The following MTUS2 variants were observed in gnomAD, a reference collection of about 807,000 sequenced individuals.
MTUS2 encodes the protein microtubule associated scaffold protein 2, also known as microtubule-associated tumor suppressor candidate 2.
In MTUS2, 40 loss-of-function variants were observed where a neutral mutation model predicts 114.1. The ratio of observed to expected loss-of-function variants is 0.35; its 90% CI spans 0.27 to 0.46. MTUS2 has a LOEUF of 0.46. Ranked by LOEUF, MTUS2 falls within the 20% of genes least tolerant of loss-of-function variation. The probability of loss-of-function intolerance (pLI) is 1.00; values close to 1 mark genes in which losing one functional copy is unlikely to be tolerated. For missense variants in MTUS2, 1,679 were observed against 1,705.4 expected, an observed-to-expected ratio of 0.98 and a Z score of 0.27; for synonymous variants, 688 against 672.0, an observed-to-expected ratio of 1.02 and a Z score of -0.37.
chr13:28,954,720 A>G (rs1882976342), intron 2 of MTUS2, among the ~76,000 whole-genome samples: 1 of 152,114 alleles, frequency 6.6e-6, no homozygotes. Flanking sequence ...CATGTGCAAT[A>G]GTTTGGTGAA....
intron 8 of MTUS2, among the ~76,000 whole-genome samples, chr13:29,381,156 ATCTGGGCTTCT>A: frequency 6.6e-6 from 1 of 152,204 alleles, no homozygotes; most frequent in African/African-American, 2.4e-5. Flanking sequence ...AGGGGCATGT[ATCTGGGCTTCT>A]GCCCAGATAC....
At chr13:29,195,782 G>C (rs565359006) in intron 5 of MTUS2, among the ~76,000 whole-genome samples, 7 of 152,236 alleles carry the variant, frequency 4.6e-5, no homozygotes, top group Admixed American at 1.3e-4. Context: ...CAGTAACACA[G>C]AAGCAAAAAC....
At position 29,116,848 on chromosome 13, in the gene MTUS2, C is replaced by T. The variant is rs188494033; in HGVS notation, c.2644+15878C>T. Among the ~76,000 whole-genome samples the T allele has an allele frequency of 1.2e-4, 18 of 152,286 alleles. No individual in the cohort carries two copies. The South Asian group carries it at 2.3e-3, about 19-fold the overall frequency. ...TGAAGCATGAGATTTCATCTTGCTACTCAGAATGTTATGCAATTTAAAACT... is the reference window on the plus strand; with the variant it reads ...TGAAGCATGAGATTTCATCTTGCTATTCAGAATGTTATGCAATTTAAAACT... On this transcript the variant is annotated intron_variant, in intron 5 of 15. Transcript: ENST00000612955.
intron 2 of MTUS2, among the ~76,000 whole-genome samples, chr13:28,919,153 T>C (rs1411284375): frequency 6.6e-6 from 1 of 152,150 alleles, no homozygotes; most frequent in Non-Finnish European, 1.5e-5. Context: ...CTGTGTGCTA[T>C]TACCAGTGAA....
At chr13:29,206,883 C>T (rs1003535661) in intron 5 of MTUS2, among the ~76,000 whole-genome samples, 1 of 152,036 alleles carries the variant, frequency 6.6e-6, no homozygotes. Flanking sequence ...CTTGCTTTGG[C>T]TATATGGACT....
chr13:29,168,896 G>GTGTGTGTGTGTGTC (rs1446043842), intron 5 of MTUS2, among the ~76,000 whole-genome samples: 2 of 151,354 alleles, frequency 1.3e-5, no homozygotes, highest in Non-Finnish European at 3.0e-5. Context: ...ATCTGTGTGT[G>GTGTGTGTGTGTGTC]TGTGTGTGTG....
At chr13:29,432,149 G>A (rs759040204) in intron 8 of MTUS2, among the ~76,000 whole-genome samples, 2 of 151,486 alleles carry the variant, frequency 1.3e-5, no homozygotes, top group Non-Finnish European at 2.9e-5. Flanking sequence ...CACCATGCCT[G>A]GCCAAAGACC....
At chr13:29,433,650 G>T (rs1281697413) in intron 8 of MTUS2, among the ~76,000 whole-genome samples, 3 of 152,166 alleles carry the variant, frequency 2.0e-5, no homozygotes, top group African/African-American at 7.2e-5. Flanking sequence ...GCCACAAAAG[G>T]TGGTATGAAA....
chr13:29,332,237 A>G (rs1008542767), intron 7 of MTUS2, among the ~76,000 whole-genome samples: 2 of 151,990 alleles, frequency 1.3e-5, no homozygotes, highest in African/African-American at 4.8e-5. Context: ...CAATTTCAGA[A>G]CTTGTTATTG....
At chr13:29,307,898 A>T (rs1429728274) in intron 6 of MTUS2, 3 of 545,310 alleles carry the variant, frequency 5.5e-6, no homozygotes, top group Non-Finnish European at 1.0e-5. Flanking sequence ...CAGAGTTTCC[A>T]TGCAGATCTC....
intron 2 of MTUS2, among the ~76,000 whole-genome samples, chr13:28,903,808 C>G (rs1046027398): frequency 2.0e-5 from 3 of 151,950 alleles, no homozygotes; most frequent in African/African-American, 7.3e-5. Context: ...AATGGTATTT[C>G]TAGTTCTAGA....
At position 28,838,501 on chromosome 13, in the gene MTUS2, G is replaced by T. The variant is rs372806455; in HGVS notation, c.-315-1277G>T. Among the ~76,000 whole-genome samples, 152 of 152,314 alleles carry T rather than the reference G, an allele frequency of 1.0e-3. 1 individual carries two copies. Among genetic ancestry groups the T allele is most frequent in the African/African-American group, 3.5e-3 (147 of 41,562 alleles). ...GCCCCATGGACTTGGGCTTGGACCTGTGTGGGATGCTGCTCCCTGGCCATG... is the reference window on the plus strand; with the variant it reads ...GCCCCATGGACTTGGGCTTGGACCTTTGTGGGATGCTGCTCCCTGGCCATG... On this transcript the variant is annotated intron_variant, in intron 1 of 15. Coordinates refer to ENST00000612955, the MANE Select transcript of MTUS2 (RefSeq NM_001033602.4).
At chr13:28,835,812 T>G (rs1327122289) in intron 1 of MTUS2, among the ~76,000 whole-genome samples, 3 of 152,174 alleles carry the variant, frequency 2.0e-5, no homozygotes, top group Admixed American at 6.5e-5. Context: ...AAGTTACATG[T>G]GAAGTGCCAG....
intron 5 of MTUS2, among the ~76,000 whole-genome samples, chr13:29,183,706 G>A (rs997146533): frequency 1.3e-5 from 2 of 152,172 alleles, no homozygotes; most frequent in African/African-American, 4.8e-5. Context: ...AAGTTGGAGG[G>A]AAACTAGAAG....
chr13:28,922,504 G>T (rs956535374), intron 2 of MTUS2, among the ~76,000 whole-genome samples: 1 of 152,168 alleles, frequency 6.6e-6, no homozygotes, highest in African/African-American at 2.4e-5. Flanking sequence ...GGCTCCATTT[G>T]CTGGGATGGC....
chr13:29,214,041 C>T (rs534498070), intron 5 of MTUS2, among the ~76,000 whole-genome samples: 1 of 152,044 alleles, frequency 6.6e-6, no homozygotes, highest in East Asian at 1.9e-4. Flanking sequence ...CTTTAACTTT[C>T]TAGCTTCAAG....
chr13:28,889,294 A>G (rs577647766), intron 2 of MTUS2, among the ~76,000 whole-genome samples: 1 of 152,230 alleles, frequency 6.6e-6, no homozygotes, highest in Non-Finnish European at 1.5e-5. Flanking sequence ...TTACTTGCAA[A>G]GATGAATTAA....
chr13:28,969,261 C>G (rs541101049), intron 2 of MTUS2, among the ~76,000 whole-genome samples: 83 of 151,950 alleles, frequency 5.5e-4, no homozygotes, highest in Non-Finnish European at 1.1e-3. Flanking sequence ...AAGCTGGTTG[C>G]AAACTATTTT....
intron 6 of MTUS2, among the ~76,000 whole-genome samples, chr13:29,304,528 TAAA>T (rs916874085): frequency 1.3e-5 from 2 of 151,756 alleles, no homozygotes; most frequent in Non-Finnish European, 2.9e-5. Context: ...CCAACAAAGA[TAAA>T]AAAAGATGAA....
Sources: gnomAD v4.1 joint callset for allele counts (sites outside exome capture counted in the v4.1 genomes callset) on GRCh38, gnomAD v4.1.1 for gene constraint, MANE v1.5 for transcripts, NCBI Gene and HGNC (gene_info 2026-07-23, HGNC 2026-07-21) for gene names.